The following GPATCH2 variants were observed in gnomAD, a reference collection of about 807,000 sequenced individuals.
GPATCH2 encodes G-patch domain containing 2, also known as G patch domain-containing protein 2.
A neutral mutation model predicts 58.0 loss-of-function variants in GPATCH2; 51 were observed. The ratio of observed to expected loss-of-function variants is 0.88; its 90% CI spans 0.70 to 1.11. The LOEUF (loss-of-function observed/expected upper bound fraction) is 1.11, where lower values mean the gene tolerates loss of function less well. Ranked by LOEUF, GPATCH2 falls within the 50% of genes most tolerant of loss-of-function variation. The probability of loss-of-function intolerance (pLI) is 0.00; values close to 1 mark genes in which losing one functional copy is unlikely to be tolerated. For missense variants in GPATCH2, 625 were observed against 652.2 expected (o/e 0.96, Z 0.45); for synonymous variants, 222 against 218.5 (o/e 1.02, Z -0.14).
chr1:217,514,705 A>G (rs1663034403), intron 6 of GPATCH2, 117 bp downstream of exon 6: 2 of 534,156 alleles, frequency 3.7e-6, no homozygotes, highest in Admixed American at 3.1e-5. Flanking sequence ...GGTAAATTAT[A>G]CTTACTCTTT....
At chr1:217,519,070 A>T (rs1317374300) in intron 5 of GPATCH2, among the ~76,000 whole-genome samples, 1 of 152,374 alleles carries the variant, frequency 6.6e-6, no homozygotes, top group African/African-American at 2.4e-5. Context: ...ATAATATTCT[A>T]AATGTTTTAC....
chr1:217,477,106 A>T (rs1007789011), intron 8 of GPATCH2, among the ~76,000 whole-genome samples: 12 of 152,100 alleles, frequency 7.9e-5, no homozygotes, highest in African/African-American at 2.9e-4. Context: ...TAGCTCCTGG[A>T]TGACATTTCT....
At chr1:217,452,862 A>C (rs2102474455) in intron 8 of GPATCH2, among the ~76,000 whole-genome samples, 1 of 152,302 alleles carries the variant, frequency 6.6e-6, no homozygotes, top group South Asian at 2.1e-4. Flanking sequence ...CATAAGAAAA[A>C]CAGCTAGCTG....
At chr1:217,597,549 A>G (rs1003230623) in intron 5 of GPATCH2, among the ~76,000 whole-genome samples, 4 of 152,110 alleles carry the variant, frequency 2.6e-5, no homozygotes, top group Non-Finnish European at 5.9e-5. Flanking sequence ...TCTATTTTTT[A>G]AAAAGTTGAT....
At chr1:217,465,961 T>C (rs1382576772) in intron 8 of GPATCH2, among the ~76,000 whole-genome samples, 1 of 152,162 alleles carries the variant, frequency 6.6e-6, no homozygotes, top group African/African-American at 2.4e-5. Context: ...AATCAGACTA[T>C]ATCAGATATA....
intron 8 of GPATCH2, among the ~76,000 whole-genome samples, chr1:217,472,779 GA>G (rs1011177468): frequency 2.0e-5 from 3 of 152,002 alleles, no homozygotes; most frequent in African/African-American, 7.2e-5. Flanking sequence ...GAAATACCAA[GA>G]AAAAAAGAGA....
rs536984932 is a variant in GPATCH2, at chr1:217,427,672, A to T, written c.*3473T>A. The T allele has an allele frequency of 6.6e-6, 1 of 152,314 alleles. No homozygotes were observed. The highest frequency in any genetic ancestry group is 1.9e-4 in the East Asian group (1 of 5,194). 9.4% of individuals were successfully genotyped at this position (152,314 alleles called of 1,614,324 possible). ...CTTAGATCACTTTTCTTTTTGAAAGACAAAATACAGGTGAAAACAGTTTTA... is the reference window on the plus strand; with the variant it reads ...CTTAGATCACTTTTCTTTTTGAAAGTCAAAATACAGGTGAAAACAGTTTTA... On this transcript the variant is annotated 3_prime_UTR_variant, in exon 10 of 10. Coordinates refer to ENST00000366935, the MANE Select transcript of GPATCH2 (RefSeq NM_018040.5).
intron 5 of GPATCH2, among the ~76,000 whole-genome samples, chr1:217,572,633 C>T (rs1176139444): frequency 6.6e-6 from 1 of 152,140 alleles, no homozygotes; most frequent in Non-Finnish European, 1.5e-5. Flanking sequence ...ACATTAAGAA[C>T]CAGAATTCAA....
intron 5 of GPATCH2, among the ~76,000 whole-genome samples, chr1:217,606,033 T>C (rs1668345412): frequency 2.0e-5 from 3 of 152,102 alleles, no homozygotes; most frequent in South Asian, 4.1e-4. Context: ...GGTACTTTAC[T>C]ACGATGGCAA....
chr1:217,523,812 C>CT lies in GPATCH2; in HGVS notation c.1099-8924_1099-8923insA, dbSNP rs747919244. 8.6e-3 allele frequency among the ~76,000 whole-genome samples: 1,261 copies of CT among 146,346 alleles called. 18 individuals are homozygous for CT. The highest frequency in any genetic ancestry group is 0.013 in the Non-Finnish European group (834 of 66,660). ...CTGGCCAGGTGGGGGGCTGACCCCC[C>CT]CACCTCCCTCCTGGACGGGGTGGCT... On this transcript the variant is annotated intron_variant, in intron 5 of 9. Coordinates refer to ENST00000366935, the MANE Select transcript of GPATCH2 (RefSeq NM_018040.5).
chr1:217,600,377 T>G (rs1668053310), intron 5 of GPATCH2, among the ~76,000 whole-genome samples: 1 of 152,128 alleles, frequency 6.6e-6, no homozygotes, highest in South Asian at 2.1e-4. Flanking sequence ...AACTCCTATC[T>G]AGATGATTTC....
intron 5 of GPATCH2, among the ~76,000 whole-genome samples, chr1:217,535,864 C>T (rs146124511): frequency 3.0e-4 from 46 of 152,298 alleles, no homozygotes; most frequent in Middle Eastern, 3.4e-3. Context: ...ACCTCATCGC[C>T]GCTACTGATT....
intron 9 of GPATCH2, among the ~76,000 whole-genome samples, chr1:217,440,615 T>C (rs1191555190): frequency 1.3e-5 from 2 of 152,174 alleles, no homozygotes; most frequent in Non-Finnish European, 2.9e-5. Flanking sequence ...GAAAACCCCA[T>C]TGTCTCAGCC....
chr1:217,604,488 T>C (rs1396052163), intron 5 of GPATCH2, among the ~76,000 whole-genome samples: 1 of 152,192 alleles, frequency 6.6e-6, no homozygotes, highest in African/African-American at 2.4e-5. Context: ...CACTTTCTTC[T>C]TGTATTCTCC....
intron 5 of GPATCH2, among the ~76,000 whole-genome samples, chr1:217,537,042 T>C (rs952854128): frequency 6.6e-6 from 1 of 152,216 alleles, no homozygotes; most frequent in Non-Finnish European, 1.5e-5. Context: ...TTTAAGTCAT[T>C]GGACCTAGAT....
chr1:217,498,330 T>G, intron 7 of GPATCH2, 26 bp downstream of exon 7: 1 of 1,579,366 alleles, frequency 6.3e-7, no homozygotes, highest in Non-Finnish European at 8.7e-7. Context: ...CTGAGTAACT[T>G]CCTTTTGGAT....
chr1:217,581,649 A>G (rs1470727311), intron 5 of GPATCH2, among the ~76,000 whole-genome samples: 1 of 152,190 alleles, frequency 6.6e-6, no homozygotes, highest in East Asian at 1.9e-4. Flanking sequence ...CCAAGAGAAC[A>G]GTGTGAAATA....
intron 2 of GPATCH2, among the ~76,000 whole-genome samples, 156 bp from the exon 3 acceptor site, chr1:217,614,358 T>C (rs918826907): frequency 5.3e-5 from 8 of 151,934 alleles, no homozygotes; most frequent in Admixed American, 3.9e-4. Context: ...ACTGCTAATA[T>C]CCTGGTTCCA....
intron 5 of GPATCH2, among the ~76,000 whole-genome samples, chr1:217,534,704 C>T (rs934427642): frequency 6.6e-5 from 10 of 152,106 alleles, no homozygotes; most frequent in African/African-American, 2.2e-4. Flanking sequence ...TCCTTTTGGC[C>T]CTTTCCCAAT....
Sources: allele counts gnomAD v4.1 joint callset (sites outside exome capture counted in the v4.1 genomes callset), GRCh38; gene constraint gnomAD v4.1.1; transcripts MANE v1.5; gene names NCBI Gene and HGNC (gene_info 2026-07-23, HGNC 2026-07-21).